Variants in DCAF8L2 observed in about 807,000 individuals in gnomAD.
The protein encoded by DCAF8L2 is DDB1- and CUL4-associated factor 8-like protein 2.
For synonymous variants in DCAF8L2, 200 were observed against 190.9 expected (o/e 1.05, Z -0.39); for missense variants, 430 against 490.7 (o/e 0.88, Z 1.17).
the DCAF8L2 span, among the ~76,000 whole-genome samples, chrX:27,583,099 TC>T: frequency 1.8e-5 from 2 of 111,768 alleles, no homozygotes; most frequent in Admixed American, 1.9e-4. Flanking sequence ...TTCTATGCCT[TC>T]TTCCCTATTT....
the DCAF8L2 span, among the ~76,000 whole-genome samples, chrX:27,490,707 A>G: frequency 2.8e-4 from 31 of 110,475 alleles, no homozygotes; most frequent in East Asian, 6.6e-3. Flanking sequence ...TAATCCGCCC[A>G]CCTCGGCTTC....
chrX:27,704,417 A>G (rs1035952470), intron 3 of DCAF8L2, among the ~76,000 whole-genome samples: 4 of 109,102 alleles, frequency 3.7e-5, no homozygotes, highest in Non-Finnish European at 7.6e-5. Flanking sequence ...TGCCATACAC[A>G]GAAAGAAACA....
At chrX:27,717,235 T>C (rs1232407873) in intron 4 of DCAF8L2, among the ~76,000 whole-genome samples, 1 of 112,427 alleles carries the variant, frequency 8.9e-6, no homozygotes, top group Non-Finnish European at 1.9e-5. Context: ...TTACATTCCT[T>C]TGGGTATATA....
the DCAF8L2 span, among the ~76,000 whole-genome samples, chrX:27,500,526 C>T: frequency 2.2e-4 from 24 of 111,181 alleles, no homozygotes; most frequent in Admixed American, 4.8e-4. Flanking sequence ...ATTTTTGTGA[C>T]GATGATTATC....
chrX:27,667,863 A>AT (rs1344428864), intron 2 of DCAF8L2, among the ~76,000 whole-genome samples: 1 of 112,174 alleles, frequency 8.9e-6, no homozygotes, highest in East Asian at 2.8e-4. Flanking sequence ...CTATTTTGTT[A>AT]TTTTACATAT....
At chrX:27,526,751 C>T in the DCAF8L2 span, among the ~76,000 whole-genome samples, 12 of 112,373 alleles carry the variant, frequency 1.1e-4, no homozygotes, top group African/African-American at 1.6e-4. Flanking sequence ...ACAGTCAGGA[C>T]CCTCAGCTGC....
At chrX:27,569,722 G>C in the DCAF8L2 span, among the ~76,000 whole-genome samples, 179 of 111,968 alleles carry the variant, frequency 1.6e-3, no homozygotes, top group Non-Finnish European at 2.4e-3. Flanking sequence ...GACTTAAAAT[G>C]TGAATGGGTA....
the DCAF8L2 span, among the ~76,000 whole-genome samples, chrX:27,502,335 A>AAAAAAAAAATATAT: frequency 2.4e-4 from 3 of 12,718 alleles, no homozygotes; most frequent in Non-Finnish European, 4.5e-4. Context: ...AAAAAAAAAA[A>AAAAAAAAAATATAT]ATATATATAT....
intron 4 of DCAF8L2, among the ~76,000 whole-genome samples, chrX:27,725,236 C>T (rs1932031570): frequency 9.0e-6 from 1 of 110,757 alleles, no homozygotes; most frequent in South Asian, 3.7e-4. Context: ...AGATTCATCC[C>T]CAGTGATGGT....
chrX:27,544,317 C>G, the DCAF8L2 span, among the ~76,000 whole-genome samples: 1 of 111,979 alleles, frequency 8.9e-6, no homozygotes, highest in African/African-American at 3.2e-5. Flanking sequence ...TTTTGTATGA[C>G]TCTGTGGCAC....
chrX:27,562,866 G>A, the DCAF8L2 span, among the ~76,000 whole-genome samples: 7 of 112,075 alleles, frequency 6.2e-5, no homozygotes, highest in Non-Finnish European at 1.1e-4. Context: ...CGAAAGCTAA[G>A]CATCAGATTT....
the DCAF8L2 span, among the ~76,000 whole-genome samples, chrX:27,474,357 C>T: frequency 8.9e-6 from 1 of 111,907 alleles, no homozygotes; most frequent in Admixed American, 9.5e-5. Context: ...TTTTATCCCA[C>T]CCACATATGC....
chrX:27,711,725 T>G (rs2147283422), intron 3 of DCAF8L2, among the ~76,000 whole-genome samples: 1 of 110,570 alleles, frequency 9.0e-6, no homozygotes, highest in Admixed American at 9.7e-5. Flanking sequence ...CCTCATAAAA[T>G]GAGGTGAAAA....
chrX:27,655,550 T>C (rs953275741), intron 2 of DCAF8L2, among the ~76,000 whole-genome samples: 1 of 112,112 alleles, frequency 8.9e-6, no homozygotes, highest in Non-Finnish European at 1.9e-5. Flanking sequence ...AGAAACAAAC[T>C]GCAATTTCCT....
chrX:27,493,414 G>A, the DCAF8L2 span, among the ~76,000 whole-genome samples: 1 of 110,135 alleles, frequency 9.1e-6, no homozygotes, highest in Non-Finnish European at 1.9e-5. Flanking sequence ...ATTGCATAGA[G>A]AACCCTACAT....
intron 1 of DCAF8L2, among the ~76,000 whole-genome samples, chrX:27,625,708 G>A (rs1284335145): frequency 8.9e-6 from 1 of 111,826 alleles, no homozygotes. Flanking sequence ...GTTTTTTGCA[G>A]CAACGTGGGT....
upstream of DCAF8L2, among the ~76,000 whole-genome samples, chrX:27,587,985 A>AAAAAAATATATATATATAT: frequency 5.8e-4 from 13 of 22,340 alleles, no homozygotes; most frequent in African/African-American, 8.9e-4. Flanking sequence ...TAAAAAAAAA[A>AAAAAAATATATATATATAT]ATATATATAT....
chrX:27,715,363 T>C (rs1931663369), intron 3 of DCAF8L2, among the ~76,000 whole-genome samples: 1 of 70,963 alleles, frequency 1.4e-5, no homozygotes, highest in Admixed American at 1.6e-4. Flanking sequence ...CGAGACTCCG[T>C]CTCAAAAAAA....
At chrX:27,743,228 A>C (rs1156744076) in intron 4 of DCAF8L2, among the ~76,000 whole-genome samples, 1 of 109,779 alleles carries the variant, frequency 9.1e-6, no homozygotes, top group Admixed American at 9.7e-5. Flanking sequence ...CTGGGACTAC[A>C]AGGCACATGC....
Sources: allele counts gnomAD v4.1 joint callset (sites outside exome capture counted in the v4.1 genomes callset), GRCh38; gene constraint gnomAD v4.1.1; transcripts MANE v1.5; gene names NCBI Gene and HGNC (gene_info 2026-07-23, HGNC 2026-07-21).